Variants in VNN2 observed in about 807,000 individuals in gnomAD.
VNN2 encodes vanin 2, also known as pantetheine hydrolase VNN2.
Under a neutral mutation model 43.0 loss-of-function variants are expected in VNN2, and 43 were observed. The observed-to-expected ratio is 1.00, with a 90% CI of 0.78 to 1.29. VNN2 has a LOEUF of 1.29. VNN2 is among the 50% of genes most tolerant of loss of function. VNN2 has a pLI of 0.00. For synonymous variants in VNN2, 230 were observed against 224.3 expected (o/e 1.03, Z -0.23); for missense variants, 652 against 619.7 (o/e 1.05, Z -0.55).
upstream of VNN2, among the ~76,000 whole-genome samples, chr6:132,760,152 C>A (rs943063474): frequency 1.3e-5 from 2 of 151,948 alleles, no homozygotes; most frequent in Non-Finnish European, 2.9e-5. Context: ...TCTGAACACT[C>A]GTGTCTTTTG....
At chr6:132,754,620 T>C (rs1357949868) in intron 3 of VNN2, among the ~76,000 whole-genome samples, 2 of 152,242 alleles carry the variant, frequency 1.3e-5, no homozygotes, top group African/African-American at 4.8e-5. Flanking sequence ...TGCCTGTACA[T>C]CACACATATC....
In VNN2 at chr6:132,751,515, C is replaced by T; in HGVS notation, c.830G>A (p.Ser277Asn). The change falls in exon 5 of 7, where the codon AGT (serine) becomes AAT (asparagine). Residue 277 changes from serine (S) to asparagine (N), a missense_variant. Ser to Asn is a conservative substitution (Grantham distance 46). Transcript: ENST00000326499. ...GGGACCATTTGGTGCATAAATACCA[C>T]TTCCTGTGAATGAAAGACAAGTCTT... ...THHVSLNMTGSGIYAPNGPKV... is the reference protein window; with the variant it reads ...THHVSLNMTGNGIYAPNGPKV... The T allele has an allele frequency of 1.3e-6, 2 of 1,597,792 alleles. No individual in the cohort carries two copies. The highest frequency in any genetic ancestry group is 1.1e-5 in the South Asian group (1 of 88,854).
At chr6:132,758,009 C>T (rs560398245), upstream of VNN2, 111 of 151,542 alleles carry the variant, frequency 7.3e-4, 4 homozygotes, top group South Asian at 0.018. Flanking sequence ...TTTTCTTCTT[C>T]TTCTTCTTCT....
intron 3 of VNN2, chr6:132,753,742 A>G (rs942960756): frequency 4.8e-6 from 1 of 210,002 alleles, no homozygotes; most frequent in Non-Finnish European, 9.9e-6. Flanking sequence ...ACTTGAGGCC[A>G]GGAGCTCAAG....
upstream of VNN2, among the ~76,000 whole-genome samples, chr6:132,759,335 A>G (rs1165096138): frequency 6.8e-6 from 1 of 146,442 alleles, no homozygotes; most frequent in Non-Finnish European, 1.5e-5. Context: ...GCTACTCGGG[A>G]GGCTGAGGCA....
rs1417769120 is a variant in VNN2, at chr6:132,751,254, TC to T, written c.1090del (p.Glu364SerfsTer6). On this transcript the variant is annotated frameshift_variant, in exon 5 of 7. Transcript: ENST00000326499. LOFTEE classifies it high-confidence loss of function. ...TCTGTAGCTTAAATGACAGCAAAGC[TC>T]CTTTTGACAGACTGTAAGGTTTCCT... ...NAGNLTVCQKELCCHLSYRML... is the reference protein window; with the variant it reads ...NAGNLTVCQKXLCCHLSYRML... 6.2e-7 allele frequency: 1 copy of T among 1,614,198 alleles called. No homozygotes were observed. The highest frequency in any genetic ancestry group is 8.5e-7 in the Non-Finnish European group (1 of 1,180,036).
intron 5 of VNN2, among the ~76,000 whole-genome samples, chr6:132,750,295 A>C (rs1476504216): frequency 2.6e-5 from 4 of 151,988 alleles, no homozygotes; most frequent in Non-Finnish European, 5.9e-5. Context: ...GAAAATACAA[A>C]TTCAGAGCCA....
upstream of VNN2, among the ~76,000 whole-genome samples, chr6:132,761,592 G>A (rs145907787): frequency 5.2e-3 from 786 of 152,188 alleles, 4 homozygotes; most frequent in South Asian, 0.03. Context: ...CCCAGGAGGA[G>A]GAGGTTGCAG....
rs1278117012 is a variant in VNN2, at chr6:132,757,713, A to G, written c.171T>C (p.Asn57=). ...QEDALNLMNE[N]IDILETAIKQ... is the part of the protein sequence containing the mutation. ...TGATCGCTGTCTCCAGAATGTCTAT[A>G]TTCTCGTTCATGAGATTCAAGGCAT... The change falls in exon 1 of 7, where the codon AAT becomes AAC. Residue 57 remains asparagine, a synonymous_variant. Transcript: ENST00000326499. The G allele has an allele frequency of 4.3e-6, 7 of 1,614,146 alleles. No homozygotes were observed. Among genetic ancestry groups the G allele is most frequent in the Non-Finnish European group, 5.9e-6 (7 of 1,180,030 alleles).
chr6:132,757,583 T>C (rs780915272), intron 1 of VNN2, 37 bp from the exon 2 acceptor site: 5 of 1,609,748 alleles, frequency 3.1e-6, no homozygotes, highest in South Asian at 1.1e-5. Flanking sequence ...GATTTTTCCA[T>C]GTACAACACA....
upstream of VNN2, among the ~76,000 whole-genome samples, chr6:132,760,243 T>C (rs1017486490): frequency 7.9e-5 from 12 of 152,174 alleles, no homozygotes; most frequent in Non-Finnish European, 1.6e-4. Context: ...GGTATGATCA[T>C]GGCTCACTTC....
At chr6:132,752,018 G>A (rs72996105) in intron 4 of VNN2, among the ~76,000 whole-genome samples, 12,367 of 152,152 alleles carry the variant, frequency 0.081, 649 homozygotes, top group African/African-American at 0.14. Context: ...TAGCAATGTG[G>A]CTTCTTTCCT....
chr6:132,758,887 C>G (rs767341125), upstream of VNN2, among the ~76,000 whole-genome samples: 1 of 151,766 alleles, frequency 6.6e-6, no homozygotes, highest in Admixed American at 6.6e-5. Context: ...AGCTCAGGGG[C>G]CCCAGGCCTC....
Position 132,749,796 on chromosome 6 carries a change from TAGA to T in VNN2, c.1267_1269del (p.Ser423del). 1 of 1,614,140 alleles carries T rather than the reference TAGA, an allele frequency of 6.2e-7. No homozygotes were observed. On this transcript the variant is annotated inframe_deletion, in exon 6 of 7. Transcript: ENST00000326499. ...CTGAGGGAGAACATTTCAAATCTTG[TAGA>T]AGCAGTTTCTACTGGCCGTCCACAA...
chr6:132,761,538 T>C (rs995950872), upstream of VNN2, among the ~76,000 whole-genome samples: 7 of 152,074 alleles, frequency 4.6e-5, no homozygotes, highest in Non-Finnish European at 7.4e-5. Context: ...CAGACGCCTG[T>C]AATCCCAGCT....
Position 132,755,965 on chromosome 6 carries a change from T to G in VNN2, c.415A>C (p.Asn139His). The part of the protein sequence containing the change: ...AKDNSIYVLA[N>H]LGDKKPCNSR... ...TTACATGGCTTTTTGTCCCCCAAAT[T>G]TGCCAAGACATAGATAGAGTTGTCC... The change falls in exon 3 of 7, where the codon AAT (asparagine) becomes CAT (histidine). Residue 139 changes from asparagine to histidine, a missense_variant. Transcript: ENST00000326499. 2 of 1,614,172 alleles carry G rather than the reference T, an allele frequency of 1.2e-6. No individual in the cohort carries two copies. The highest frequency in any genetic ancestry group is 1.7e-6 in the Non-Finnish European group (2 of 1,180,020).
chr6:132,751,320 G>A lies in VNN2; in HGVS notation c.1025C>T (p.Ser342Phe). 6.2e-7 allele frequency: 1 copy of A among 1,614,124 alleles called. No homozygotes were observed. The highest frequency in any genetic ancestry group is 8.5e-7 in the Non-Finnish European group (1 of 1,180,002). Residue 342 changes from serine (S) to phenylalanine (F), a missense_variant, in exon 5 of 7, where the codon TCC (serine) becomes TTC (phenylalanine). Coordinates refer to ENST00000326499, the MANE Select transcript of VNN2 (RefSeq NM_004665.6). ...TTCTGTGAAGTTGAACCCATCCCTG[G>A]AAATAAATCCCCTGAAAGTGTTTTT... ...VQKNTFRGFI[S>F]RDGFNFTELF...
At position 132,752,745 on chromosome 6, in the gene VNN2, T is replaced by C. The variant is rs894916647; in HGVS notation, c.542A>G (p.His181Arg). ...GKLVARYHKY[H>R]LYSEPQFNVP... Reference sequence around the variant, plus strand: ...ATTAAACTGAGGCTCAGAGTACAGGTGGTACTACAACAAATGGATAGGAGA... The same window carrying C: ...ATTAAACTGAGGCTCAGAGTACAGGCGGTACTACAACAAATGGATAGGAGA... Residue 181 changes from histidine to arginine, a missense_variant, in exon 4 of 7, where the codon CAC becomes CGC. Coordinates refer to ENST00000326499, the MANE Select transcript of VNN2 (RefSeq NM_004665.6). 3.1e-6 allele frequency: 5 copies of C among 1,612,080 alleles called. No homozygotes were observed. The highest frequency in any genetic ancestry group is 3.4e-6 in the Non-Finnish European group (4 of 1,179,220).
chr6:132,757,635 T>C, intron 1 of VNN2, 36 bp downstream of exon 1: 1 of 1,610,684 alleles, frequency 6.2e-7, no homozygotes, highest in Non-Finnish European at 8.5e-7. Flanking sequence ...CCCATGCCCC[T>C]CGTGTACATT....
Sources: allele counts gnomAD v4.1 joint callset (sites outside exome capture counted in the v4.1 genomes callset), GRCh38; gene constraint gnomAD v4.1.1; transcripts MANE v1.5; gene names NCBI Gene and HGNC (gene_info 2026-07-23, HGNC 2026-07-21).